The following NRG3 variants were observed in gnomAD, a reference collection of about 807,000 sequenced individuals.
NRG3 encodes neuregulin 3.
NRG3 carries 31 observed loss-of-function variants against 66.9 expected under a neutral mutation model. That is an observed-to-expected ratio of 0.46 (90% confidence interval 0.35 to 0.63). NRG3 has a LOEUF of 0.63. NRG3 is among the 20% of genes least tolerant of loss of function. The probability of loss-of-function intolerance (pLI) is 0.00; values close to 1 mark genes in which losing one functional copy is unlikely to be tolerated. For missense variants in NRG3, 910 were observed against 878.9 expected, an observed-to-expected ratio of 1.04 and a Z score of -0.45; for synonymous variants, 393 against 359.4, an observed-to-expected ratio of 1.09 and a Z score of -1.06.
intron 1 of NRG3, among the ~76,000 whole-genome samples, chr10:82,308,062 T>G (rs2080838967): frequency 6.6e-6 from 1 of 152,168 alleles, no homozygotes; most frequent in East Asian, 1.9e-4. Context: ...AAATTCTACT[T>G]AGTTTGAGGG....
intron 1 of NRG3, among the ~76,000 whole-genome samples, chr10:82,306,735 AAG>A (rs2080756259): frequency 8.3e-6 from 1 of 120,064 alleles, no homozygotes; most frequent in African/African-American, 3.2e-5. Flanking sequence ...AAAAAAAAAA[AAG>A]TCTGGCAGAA....
Position 82,865,512 on chromosome 10 carries a change from C to T in NRG3, c.1054+75C>T. 9 of 1,414,450 alleles carry T rather than the reference C, an allele frequency of 6.4e-6. 1 individual carries two copies. In the South Asian group the frequency reaches 1.2e-4, roughly 18 times the overall value. 87.6% of individuals were successfully genotyped at this position (1,414,450 alleles called of 1,614,324 possible). A position where few individuals can be genotyped will look rare whatever the true frequency, so the allele number is the denominator to read the frequency against. On this transcript the variant is annotated intron_variant, in intron 4 of 8. Coordinates refer to ENST00000372141, the MANE Select transcript of NRG3 (RefSeq NM_001010848.4). ...ATGATGTACATAGTGCTTTCCTTCT[C>T]CATCTGGTTATAATTGAAATGTCTC...
intron 1 of NRG3, among the ~76,000 whole-genome samples, chr10:82,090,093 G>A (rs2065939885): frequency 6.6e-6 from 1 of 152,190 alleles, no homozygotes; most frequent in African/African-American, 2.4e-5. Flanking sequence ...ACATACTGTA[G>A]TGAAGTACAG....
chr10:82,180,893 T>C (rs1023456801), intron 1 of NRG3, among the ~76,000 whole-genome samples: 7 of 151,844 alleles, frequency 4.6e-5, no homozygotes, highest in African/African-American at 1.7e-4. Flanking sequence ...CCTTGTTGGA[T>C]AGTTTTTTGT....
intron 1 of NRG3, among the ~76,000 whole-genome samples, chr10:82,172,159 C>A (rs1480670605): frequency 6.6e-6 from 1 of 152,044 alleles, no homozygotes; most frequent in Non-Finnish European, 1.5e-5. Context: ...CTTACTGTTT[C>A]CTGCTGCACT....
chr10:82,859,940 A>G (rs982978137), intron 3 of NRG3, among the ~76,000 whole-genome samples: 6 of 152,256 alleles, frequency 3.9e-5, no homozygotes, highest in Non-Finnish European at 7.4e-5. Context: ...AAAAACATTC[A>G]TTTTGTCTTG....
At chr10:82,581,333 G>C (rs891102436) in intron 2 of NRG3, among the ~76,000 whole-genome samples, 1 of 151,886 alleles carries the variant, frequency 6.6e-6, no homozygotes, top group Non-Finnish European at 1.5e-5. Context: ...TTTCATACAA[G>C]TTCTTTCTCA....
At chr10:81,989,550 A>C (rs569593358) in intron 1 of NRG3, among the ~76,000 whole-genome samples, 5 of 152,300 alleles carry the variant, frequency 3.3e-5, no homozygotes, top group African/African-American at 1.2e-4. Context: ...GAATCTAAAA[A>C]ATATTTGTCT....
intron 8 of NRG3, among the ~76,000 whole-genome samples, chr10:82,981,258 G>C (rs184900336): frequency 6.6e-6 from 1 of 152,280 alleles, no homozygotes; most frequent in East Asian, 1.9e-4. Flanking sequence ...TTTTGTTTTG[G>C]TTCAGTCACT....
chr10:82,759,199 T>C (rs2059203635), intron 3 of NRG3, among the ~76,000 whole-genome samples: 1 of 150,324 alleles, frequency 6.7e-6, no homozygotes, highest in South Asian at 2.1e-4. Context: ...TCTCTCTTAC[T>C]TCCTCTCTTA....
intron 1 of NRG3, among the ~76,000 whole-genome samples, chr10:82,313,834 G>A (rs1036803638): frequency 6.6e-6 from 1 of 152,216 alleles, no homozygotes; most frequent in Non-Finnish European, 1.5e-5. Flanking sequence ...GGCTAAATGA[G>A]CAGTGCTAAG....
At chr10:82,601,630 T>C (rs1436052470) in intron 2 of NRG3, among the ~76,000 whole-genome samples, 3 of 151,910 alleles carry the variant, frequency 2.0e-5, no homozygotes, top group African/African-American at 7.3e-5. Context: ...ATGTATCTGT[T>C]GGATATACAA....
At chr10:82,955,324 A>G (rs1849939334) in intron 5 of NRG3, 1 of 151,990 alleles carries the variant, frequency 6.6e-6, no homozygotes, top group African/African-American at 2.4e-5. Context: ...ACTCTAAAAA[A>G]CAGTGAAAGA....
intron 1 of NRG3, among the ~76,000 whole-genome samples, chr10:82,337,396 TA>T (rs1235767441): frequency 6.6e-6 from 1 of 152,272 alleles, no homozygotes; most frequent in Non-Finnish European, 1.5e-5. Flanking sequence ...CTTTTTTGTT[TA>T]TTCATCACTT....
intron 1 of NRG3, chr10:81,889,460 T>G (rs1450333612): frequency 6.6e-6 from 1 of 152,180 alleles, no homozygotes; most frequent in East Asian, 1.9e-4. Context: ...CATTTACATA[T>G]CGGCAGCTAA....
intron 4 of NRG3, among the ~76,000 whole-genome samples, chr10:82,920,565 A>C (rs1053974959): frequency 1.3e-5 from 2 of 152,286 alleles, no homozygotes; most frequent in Admixed American, 1.3e-4. Context: ...AGTATCTATG[A>C]GCACACCTGT....
At chr10:82,623,363 G>C (rs927188437) in intron 2 of NRG3, among the ~76,000 whole-genome samples, 30 of 152,146 alleles carry the variant, frequency 2.0e-4, no homozygotes, top group Admixed American at 4.6e-4. Flanking sequence ...TTAAGGGTCT[G>C]TCTGAACTAC....
intron 1 of NRG3, among the ~76,000 whole-genome samples, chr10:82,286,746 C>A (rs1200638498): frequency 6.6e-6 from 1 of 152,072 alleles, no homozygotes; most frequent in Non-Finnish European, 1.5e-5. Context: ...TGCCACCATG[C>A]CCGGCTCACT....
intron 2 of NRG3, among the ~76,000 whole-genome samples, chr10:82,418,789 C>G (rs111989330): frequency 6.6e-6 from 1 of 151,372 alleles, no homozygotes; most frequent in African/African-American, 2.4e-5. Context: ...TTTTTGGAGA[C>G]AGAGTCTCCC....
Sources: allele counts gnomAD v4.1 joint callset (sites outside exome capture counted in the v4.1 genomes callset), GRCh38; gene constraint gnomAD v4.1.1; transcripts MANE v1.5; gene names NCBI Gene and HGNC (gene_info 2026-07-23, HGNC 2026-07-21).